Variants in SLC12A6 observed in about 807,000 individuals in gnomAD.
SLC12A6 encodes solute carrier family 12 member 6.
SLC12A6 carries 66 observed loss-of-function variants against 135.3 expected under a neutral mutation model. That is an observed-to-expected ratio of 0.49 (90% confidence interval 0.40 to 0.60). The LOEUF is 0.60. SLC12A6 is among the 20% of genes least tolerant of loss of function. SLC12A6 has a pLI of 0.00. For missense variants in SLC12A6, 1,058 were observed against 1,452.3 expected, an observed-to-expected ratio of 0.73 and a Z score of 4.41; for synonymous variants, 513 against 508.8, an observed-to-expected ratio of 1.01 and a Z score of -0.11.
At chr15:34,300,895 G>GT (rs1454218406) in intron 2 of SLC12A6, among the ~76,000 whole-genome samples, 2 of 151,698 alleles carry the variant, frequency 1.3e-5, no homozygotes, top group African/African-American at 4.8e-5. Flanking sequence ...CAAGAATTTT[G>GT]TTTTAACGTT....
Position 34,336,730 on chromosome 15 carries a change from C to T in SLC12A6, c.-50G>A. ...AGTGGGGGGAACCTCGCAAAATCTT[C>T]CTCTTACGCTAGCTACTTTTGACTG... On this transcript the variant is annotated 5_prime_UTR_variant, in exon 2 of 26. Transcript: ENST00000354181. 1 of 1,487,476 alleles carries T rather than the reference C, an allele frequency of 6.7e-7. No homozygotes were observed. The highest frequency in any genetic ancestry group is 2.3e-5 in the East Asian group (1 of 44,272). The allele number at this position is 1,487,476 out of a possible 1,614,324, so 92.1% of individuals were successfully genotyped here.
intron 13 of SLC12A6, among the ~76,000 whole-genome samples, chr15:34,246,124 G>A (rs1194370372): frequency 2.0e-5 from 3 of 152,042 alleles, no homozygotes; most frequent in Non-Finnish European, 4.4e-5. Context: ...GTAAAGATGG[G>A]GTTTCACCAT....
Position 34,336,603 on chromosome 15 carries a change from T to C in SLC12A6, c.78A>G (p.Pro26=), listed in dbSNP as rs756460966. The change falls in exon 2 of 26, where the codon CCA becomes CCG. Residue 26 remains proline (P), a synonymous_variant. Coordinates refer to ENST00000354181, the MANE Select transcript of SLC12A6 (RefSeq NM_001365088.1). ...GGTCCGGACTGGTGTCTGACAAACC[T>C]GGAATGTCATCGATCTTTGTCGGTG... is the stretch of plus-strand genomic sequence containing the variant. ...MVTPTKIDDI[P]GLSDTSPDLS... 1.9e-6 allele frequency: 3 copies of C among 1,613,452 alleles called. No homozygotes were observed. In the African/African-American group the frequency reaches 4.0e-5, roughly 22 times the overall value.
chr15:34,309,848 C>T (rs1221231160), intron 2 of SLC12A6, among the ~76,000 whole-genome samples: 1 of 151,974 alleles, frequency 6.6e-6, no homozygotes, highest in Admixed American at 6.6e-5. Flanking sequence ...TCTAAATTTC[C>T]GTTAGTTAGG....
At chr15:34,330,592 CA>C (rs1303366904) in intron 2 of SLC12A6, among the ~76,000 whole-genome samples, 1 of 151,490 alleles carries the variant, frequency 6.6e-6, no homozygotes. Flanking sequence ...TGCTTGAGCT[CA>C]GAAAGTTGAG....
chr15:34,256,586 G>A (rs537883470), intron 6 of SLC12A6, among the ~76,000 whole-genome samples: 6 of 152,230 alleles, frequency 3.9e-5, no homozygotes, highest in African/African-American at 1.2e-4. Context: ...ATACTCAAAA[G>A]GAAGAACTAG....
chr15:34,250,552 C>T, intron 12 of SLC12A6, 79 bp downstream of exon 12: 2 of 884,062 alleles, frequency 2.3e-6, no homozygotes, highest in Admixed American at 1.7e-5. Context: ...TCTTTGTTAC[C>T]AGGATAAAAA....
intron 23 of SLC12A6, among the ~76,000 whole-genome samples, chr15:34,236,406 C>T (rs1029319685): frequency 1.3e-5 from 2 of 151,930 alleles, no homozygotes; most frequent in South Asian, 2.1e-4. Flanking sequence ...AGTGCAGTGG[C>T]GTGATCTTGG....
intron 13 of SLC12A6, among the ~76,000 whole-genome samples, chr15:34,247,369 T>G (rs1043545796): frequency 4.6e-5 from 7 of 151,720 alleles, no homozygotes; most frequent in African/African-American, 7.3e-5. Context: ...TACAAAAAAT[T>G]AGCTGGGCGT....
intron 20 of SLC12A6, 55 bp downstream of exon 20, chr15:34,238,910 T>A (rs972233318): frequency 4.8e-6 from 7 of 1,453,790 alleles, no homozygotes; most frequent in Middle Eastern, 1.7e-4. Flanking sequence ...TGACAGAGAT[T>A]TAACTATATA....
At chr15:34,300,771 G>A (rs2141012115) in intron 2 of SLC12A6, among the ~76,000 whole-genome samples, 1 of 144,360 alleles carries the variant, frequency 6.9e-6, no homozygotes, top group East Asian at 2.0e-4. Context: ...ACTCTGGCCT[G>A]GGAGACAGAG....
intron 15 of SLC12A6, 117 bp from the exon 16 acceptor site, chr15:34,244,189 A>C: frequency 1.4e-6 from 1 of 719,816 alleles, no homozygotes; most frequent in East Asian, 2.6e-5. Flanking sequence ...CCCTTGATTA[A>C]GTAGGAAGTA....
chr15:34,326,858 CTTTTTTTTTTTTTTTTT>C (rs397963192), intron 2 of SLC12A6, among the ~76,000 whole-genome samples: 14 of 72,178 alleles, frequency 1.9e-4, no homozygotes, highest in Non-Finnish European at 2.3e-4. Context: ...CAACTGGCTG[CTTTTTTTTTTTTTTTTT>C]TTTTTTTTTT....
At chr15:34,324,085 T>A (rs347827) in intron 2 of SLC12A6, among the ~76,000 whole-genome samples, 70,000 of 151,928 alleles carry the variant, frequency 0.46, 19,138 homozygotes, top group African/African-American at 0.78. Context: ...TCTTGTTCTC[T>A]GTATTTTTAC....
intron 20 of SLC12A6, chr15:34,238,620 A>T (rs1350154930): frequency 6.6e-6 from 4 of 607,954 alleles, no homozygotes; most frequent in Non-Finnish European, 1.2e-5. Context: ...TATTCCCATT[A>T]CTACATTTCT....
At chr15:34,299,850 G>C (rs189961115) in intron 2 of SLC12A6, among the ~76,000 whole-genome samples, 1 of 152,210 alleles carries the variant, frequency 6.6e-6, no homozygotes, top group Admixed American at 6.5e-5. Flanking sequence ...GGAGACATTA[G>C]GGGGTTTTAA....
chr15:34,244,120 T>C, intron 15 of SLC12A6, 48 bp from the exon 16 acceptor site: 1 of 1,072,654 alleles, frequency 9.3e-7, no homozygotes, highest in Non-Finnish European at 1.5e-6. Context: ...AAGATGATTC[T>C]TTGAAGGTTA....
At chr15:34,305,993 C>G (rs1330904253) in intron 2 of SLC12A6, among the ~76,000 whole-genome samples, 11 of 151,986 alleles carry the variant, frequency 7.2e-5, no homozygotes, top group Non-Finnish European at 1.3e-4. Flanking sequence ...GATCTCCTGA[C>G]CTCGTGATCC....
chr15:34,239,092 CAGCTT>C lies in SLC12A6; in HGVS notation c.2500_2504del (p.Lys834GlufsTer27). ...GGATGAGGTGGGAAATGCCCTCTCTCAGCTTGGCGGCCACCACCAGCTGGCAGAAT... is the reference window on the plus strand; with the variant it reads ...GGATGAGGTGGGAAATGCCCTCTCTCGGCGGCCACCACCAGCTGGCAGAAT... On this transcript the variant is annotated frameshift_variant, in exon 20 of 26. Coordinates refer to ENST00000354181, the MANE Select transcript of SLC12A6 (RefSeq NM_001365088.1). LOFTEE classifies it high-confidence loss of function. 1 of 1,614,168 alleles carries C rather than the reference CAGCTT, an allele frequency of 6.2e-7. No homozygotes were observed. Among genetic ancestry groups the C allele is most frequent in the Non-Finnish European group, 8.5e-7 (1 of 1,179,982 alleles).
Sources: allele counts gnomAD v4.1 joint callset (sites outside exome capture counted in the v4.1 genomes callset), GRCh38; gene constraint gnomAD v4.1.1; transcripts MANE v1.5; gene names NCBI Gene and HGNC (gene_info 2026-07-23, HGNC 2026-07-21).